PTPRT: variants seen among roughly 807,000 people sequenced by gnomAD.
PTPRT encodes receptor-type tyrosine-protein phosphatase T.
Under a neutral mutation model 176.8 loss-of-function variants are expected in PTPRT, and 56 were observed. The ratio of observed to expected loss-of-function variants is 0.32; its 90% CI spans 0.26 to 0.40. PTPRT has a LOEUF of 0.40. Among genes scored for constraint, PTPRT ranks in the 10% least tolerant of loss-of-function variants. The pLI, the probability that PTPRT is intolerant of heterozygous loss-of-function variation, is 1.00. For synonymous variants in PTPRT, 783 were observed against 739.0 expected (o/e 1.06, Z -0.96); for missense variants, 1,540 against 1,908.2 (o/e 0.81, Z 3.60).
At chr20:42,119,013 GAAAAAAAAA>G (rs11415242) in intron 20 of PTPRT, among the ~76,000 whole-genome samples, 2 of 29,214 alleles carry the variant, frequency 6.8e-5, no homozygotes, top group Non-Finnish European at 1.2e-4. Context: ...AGAAAGGAAG[GAAAAAAAAA>G]AAAAAAAAAA....
chr20:43,083,346 A>ATATATATATG (rs2011506157), intron 1 of PTPRT, among the ~76,000 whole-genome samples: 2 of 121,542 alleles, frequency 1.6e-5, no homozygotes, highest in Admixed American at 8.8e-5. Flanking sequence ...ATATATATAT[A>ATATATATATG]TATATATATA....
chr20:42,487,498 C>T (rs946523690), intron 7 of PTPRT, among the ~76,000 whole-genome samples: 3 of 152,132 alleles, frequency 2.0e-5, no homozygotes, highest in Non-Finnish European at 2.9e-5. Context: ...ACACTGTGAA[C>T]GTGATTAAGG....
At chr20:42,653,044 A>G (rs780105975) in intron 7 of PTPRT, among the ~76,000 whole-genome samples, 3 of 152,120 alleles carry the variant, frequency 2.0e-5, no homozygotes, top group Non-Finnish European at 4.4e-5. Context: ...TATGTCCCCA[A>G]CCAAATCTCA....
chr20:43,086,873 C>T (rs1431303020), intron 1 of PTPRT, among the ~76,000 whole-genome samples: 4 of 152,108 alleles, frequency 2.6e-5, no homozygotes, highest in Admixed American at 1.3e-4. Context: ...AGAGATGTGC[C>T]TATTAAGGAA....
chr20:43,021,193 A>G (rs1401346151), intron 1 of PTPRT, among the ~76,000 whole-genome samples: 1 of 152,220 alleles, frequency 6.6e-6, no homozygotes, highest in African/African-American at 2.4e-5. Context: ...GAGACCTGAT[A>G]AGGTAAGCTG....
At chr20:42,742,879 G>T (rs2076632684) in intron 6 of PTPRT, among the ~76,000 whole-genome samples, 1 of 152,154 alleles carries the variant, frequency 6.6e-6, no homozygotes, top group African/African-American at 2.4e-5. Context: ...AACATAAAAT[G>T]AACAGAGCCA....
At chr20:42,417,155 T>C (rs2059073778) in intron 9 of PTPRT, among the ~76,000 whole-genome samples, 1 of 152,200 alleles carries the variant, frequency 6.6e-6, no homozygotes, top group African/African-American at 2.4e-5. Context: ...ACTGGGCACC[T>C]CCATTTACAG....
chr20:42,724,293 G>T (rs1044396912), intron 6 of PTPRT, among the ~76,000 whole-genome samples: 4 of 152,112 alleles, frequency 2.6e-5, no homozygotes, highest in African/African-American at 9.7e-5. Flanking sequence ...TATTCTGTTT[G>T]CTCCCCTAAT....
chr20:42,510,544 G>A (rs1364140213), intron 7 of PTPRT, among the ~76,000 whole-genome samples: 1 of 151,968 alleles, frequency 6.6e-6, no homozygotes, highest in Non-Finnish European at 1.5e-5. Context: ...ATGGTGTCCA[G>A]ATAAGAGCTC....
intron 7 of PTPRT, among the ~76,000 whole-genome samples, chr20:42,577,975 A>C (rs1230110381): frequency 7.0e-6 from 1 of 142,296 alleles, no homozygotes; most frequent in East Asian, 2.0e-4. Flanking sequence ...GTGTGTAGGC[A>C]TACCCACATG....
At chr20:43,159,921 G>C (rs1456159879) in intron 1 of PTPRT, among the ~76,000 whole-genome samples, 2 of 151,726 alleles carry the variant, frequency 1.3e-5, no homozygotes, top group Non-Finnish European at 2.9e-5. Context: ...GCACTGCCAT[G>C]TGGTGTAAGC....
At chr20:43,078,624 G>T (rs1374637439) in intron 1 of PTPRT, among the ~76,000 whole-genome samples, 1 of 152,124 alleles carries the variant, frequency 6.6e-6, no homozygotes, top group Non-Finnish European at 1.5e-5. Context: ...ATGCCATAGG[G>T]AAAGCAACAA....
intron 2 of PTPRT, among the ~76,000 whole-genome samples, chr20:42,827,122 C>T (rs2078007412): frequency 6.6e-6 from 1 of 152,034 alleles, no homozygotes; most frequent in African/African-American, 2.4e-5. Flanking sequence ...GGAGACTCCC[C>T]ACTGAGAGTA....
At position 42,615,513 on chromosome 20, in the gene PTPRT, G is replaced by C. The variant is rs1188312093; in HGVS notation, c.1153+62353C>G. Among the ~76,000 whole-genome samples the C allele has an allele frequency of 1.4e-4, 20 of 138,928 alleles. 5 individuals carry two copies. Among genetic ancestry groups the C allele is most frequent in the South Asian group, 4.5e-4 (2 of 4,480 alleles). 91.1% of individuals were successfully genotyped at this position (138,928 alleles called of 152,430 possible). ...TCTACATCCCTGAGGAATCGCCACA[G>C]TGACTTCTACAATGGTTGAACTGGA... is the stretch of plus-strand genomic sequence containing the variant. On this transcript the variant is annotated intron_variant, in intron 7 of 30. Transcript: ENST00000373187.
intron 9 of PTPRT, among the ~76,000 whole-genome samples, chr20:42,378,760 C>G (rs2058672435): frequency 6.6e-6 from 1 of 152,168 alleles, no homozygotes; most frequent in Non-Finnish European, 1.5e-5. Flanking sequence ...AATTATTTAA[C>G]TTCCTGAGGC....
chr20:42,829,958 G>A (rs1168110987), intron 2 of PTPRT, among the ~76,000 whole-genome samples: 5 of 152,042 alleles, frequency 3.3e-5, no homozygotes, highest in African/African-American at 1.2e-4. Context: ...GTAATAAATA[G>A]TCTACCAATC....
At chr20:42,148,526 G>A (rs1323180096) in intron 17 of PTPRT, among the ~76,000 whole-genome samples, 3 of 152,090 alleles carry the variant, frequency 2.0e-5, no homozygotes, top group Admixed American at 1.3e-4. Flanking sequence ...GCCAGGTGCT[G>A]GGATAGACAG....
chr20:43,073,563 T>A (rs538726297), intron 1 of PTPRT, among the ~76,000 whole-genome samples: 3 of 151,732 alleles, frequency 2.0e-5, no homozygotes, highest in Non-Finnish European at 2.9e-5. Context: ...TTTATATATA[T>A]AAATATATTA....
intron 1 of PTPRT, among the ~76,000 whole-genome samples, chr20:43,147,422 G>A (rs1406060245): frequency 2.6e-5 from 4 of 152,056 alleles, no homozygotes; most frequent in Non-Finnish European, 2.9e-5. Flanking sequence ...ACATCGCTTC[G>A]TCAGAAATCC....
Sources: gnomAD v4.1 joint callset for allele counts (sites outside exome capture counted in the v4.1 genomes callset) on GRCh38, gnomAD v4.1.1 for gene constraint, MANE v1.5 for transcripts, NCBI Gene and HGNC (gene_info 2026-07-23, HGNC 2026-07-21) for gene names.